Variants in TGFA observed in about 807,000 individuals in gnomAD.
TGFA encodes the protein protransforming growth factor alpha.
A neutral mutation model predicts 21.7 loss-of-function variants in TGFA; 12 were observed. The observed-to-expected ratio is 0.55, with a 90% CI of 0.35 to 0.90. The LOEUF (loss-of-function observed/expected upper bound fraction) is 0.90. Ranked by LOEUF, TGFA falls within the 40% of genes least tolerant of loss-of-function variation. The pLI, the probability that TGFA is intolerant of heterozygous loss-of-function variation, is 0.01. For synonymous variants in TGFA, 79 were observed against 88.1 expected (o/e 0.90, Z 0.58); for missense variants, 178 against 210.8 (o/e 0.84, Z 0.96).
intron 3 of TGFA, among the ~76,000 whole-genome samples, chr2:70,459,019 T>G (rs985780135): frequency 6.6e-6 from 1 of 152,240 alleles, no homozygotes; most frequent in Non-Finnish European, 1.5e-5. Flanking sequence ...GGGTTAGTGC[T>G]TCTTTCTCCC....
chr2:70,504,475 T>TATATATAC (rs1559124137), intron 2 of TGFA, among the ~76,000 whole-genome samples: 1 of 83,852 alleles, frequency 1.2e-5, no homozygotes, highest in African/African-American at 5.3e-5. Flanking sequence ...CACACATACA[T>TATATATAC]ACATACATAC....
chr2:70,543,810 A>T (rs1056420031), intron 1 of TGFA, among the ~76,000 whole-genome samples: 1 of 152,242 alleles, frequency 6.6e-6, no homozygotes, highest in Admixed American at 6.5e-5. Context: ...AACACAAAAA[A>T]GATGAGATGC....
intron 1 of TGFA, among the ~76,000 whole-genome samples, chr2:70,521,375 C>T (rs1264916460): frequency 6.6e-6 from 1 of 152,138 alleles, no homozygotes; most frequent in Non-Finnish European, 1.5e-5. Flanking sequence ...AACTTGGTGC[C>T]TTGGGTTCAT....
chr2:70,489,642 G>A (rs545810461), intron 2 of TGFA, among the ~76,000 whole-genome samples: 1 of 152,362 alleles, frequency 6.6e-6, no homozygotes, highest in Admixed American at 6.5e-5. Context: ...TGGCTTTGCT[G>A]TTTGTTTACA....
chr2:70,502,038 C>G (rs1275881847), intron 2 of TGFA, among the ~76,000 whole-genome samples: 7 of 152,256 alleles, frequency 4.6e-5, no homozygotes, highest in African/African-American at 1.4e-4. Context: ...CCTTCCTTTG[C>G]CTTCCTCTTC....
intron 2 of TGFA, among the ~76,000 whole-genome samples, chr2:70,473,234 A>G (rs1670811446): frequency 6.6e-6 from 1 of 152,122 alleles, no homozygotes; most frequent in African/African-American, 2.4e-5. Context: ...AACCTGCAAA[A>G]GCAGCTATGG....
chr2:70,532,986 C>A (rs1672858954), intron 1 of TGFA, among the ~76,000 whole-genome samples: 1 of 151,932 alleles, frequency 6.6e-6, no homozygotes, highest in African/African-American at 2.4e-5. Context: ...CTCAGTCTCC[C>A]AAGTAGCTGG....
intron 2 of TGFA, among the ~76,000 whole-genome samples, chr2:70,505,433 C>G (rs1671893892): frequency 6.6e-6 from 1 of 152,030 alleles, no homozygotes; most frequent in South Asian, 2.1e-4. Context: ...TATAGAGGCT[C>G]CTGTGGACTG....
intron 1 of TGFA, among the ~76,000 whole-genome samples, chr2:70,517,682 A>G (rs1553501765): frequency 6.6e-6 from 1 of 152,208 alleles, no homozygotes; most frequent in Non-Finnish European, 1.5e-5. Context: ...TCCCATGCAC[A>G]AGACAGTGTC....
At chr2:70,476,484 C>T (rs1670938514) in intron 2 of TGFA, among the ~76,000 whole-genome samples, 1 of 152,140 alleles carries the variant, frequency 6.6e-6, no homozygotes, top group Non-Finnish European at 1.5e-5. Flanking sequence ...TCTCTGTGTG[C>T]CTCTATTCTC....
At chr2:70,494,161 C>T (rs979061426) in intron 2 of TGFA, among the ~76,000 whole-genome samples, 34 of 152,148 alleles carry the variant, frequency 2.2e-4, no homozygotes, top group African/African-American at 8.0e-4. Flanking sequence ...CTGCTTCCCT[C>T]AACACATCTT....
At chr2:70,491,227 A>T (rs1362282367) in intron 2 of TGFA, among the ~76,000 whole-genome samples, 1 of 152,208 alleles carries the variant, frequency 6.6e-6, no homozygotes, top group Non-Finnish European at 1.5e-5. Flanking sequence ...CCTTCAGGCT[A>T]TTCAGCAGCC....
intron 2 of TGFA, among the ~76,000 whole-genome samples, chr2:70,467,926 C>T (rs939712895): frequency 2.6e-5 from 4 of 152,198 alleles, no homozygotes; most frequent in East Asian, 3.8e-4. Flanking sequence ...GTCAGAGGCA[C>T]GGGTTTGAAT....
intron 2 of TGFA, among the ~76,000 whole-genome samples, chr2:70,487,507 A>G (rs1406775170): frequency 6.6e-6 from 1 of 152,198 alleles, no homozygotes; most frequent in Non-Finnish European, 1.5e-5. Context: ...AATATTGTAG[A>G]TAATTTTGGG....
chr2:70,518,977 G>T (rs1169570871), intron 1 of TGFA, among the ~76,000 whole-genome samples: 1 of 152,214 alleles, frequency 6.6e-6, no homozygotes, highest in Non-Finnish European at 1.5e-5. Flanking sequence ...TGAAGGGTAA[G>T]TTTTTGTTTT....
rs1472219584 is a variant in TGFA, at chr2:70,460,479, C to T, written c.216-3991G>A. Among the ~76,000 whole-genome samples the T allele has an allele frequency of 2.0e-5, 3 of 152,176 alleles. No homozygotes were observed. The East Asian group carries it at 5.8e-4, about 29-fold the overall frequency. On this transcript the variant is annotated intron_variant, in intron 3 of 5. Coordinates refer to ENST00000295400, the MANE Select transcript of TGFA (RefSeq NM_003236.4). ...GAAGGAGTGGGAAGAGTCACCTCAC[C>T]TGGCTGCAAATGAATCACACTTGAT...
intron 3 of TGFA, among the ~76,000 whole-genome samples, chr2:70,463,205 G>A (rs35715946): frequency 6.6e-6 from 1 of 151,996 alleles, no homozygotes; most frequent in Non-Finnish European, 1.5e-5. Flanking sequence ...CCCTACTTGA[G>A]AGGGGAGTTG....
chr2:70,534,583 A>C (rs1454404466), intron 1 of TGFA, among the ~76,000 whole-genome samples: 4 of 152,198 alleles, frequency 2.6e-5, no homozygotes, highest in Non-Finnish European at 4.4e-5. Flanking sequence ...CAATGAATTT[A>C]TTATTAGAGG....
intron 2 of TGFA, among the ~76,000 whole-genome samples, chr2:70,513,539 C>A (rs1018467341): frequency 6.6e-6 from 1 of 152,298 alleles, no homozygotes; most frequent in East Asian, 1.9e-4. Flanking sequence ...GTGGGACAGG[C>A]ATTTTCTTCT....
Sources: gnomAD v4.1 joint callset for allele counts (sites outside exome capture counted in the v4.1 genomes callset) on GRCh38, gnomAD v4.1.1 for gene constraint, MANE v1.5 for transcripts, NCBI Gene and HGNC (gene_info 2026-07-23, HGNC 2026-07-21) for gene names.